The following LRRC1 variants were observed in gnomAD, a reference collection of about 807,000 sequenced individuals.
LRRC1 encodes the protein leucine rich repeat containing 1.
In LRRC1, 28 loss-of-function variants were observed where a neutral mutation model predicts 69.9. That is an observed-to-expected ratio of 0.40 (90% CI 0.30 to 0.55). The LOEUF (loss-of-function observed/expected upper bound fraction) is 0.55, where lower values mean the gene tolerates loss of function less well. Ranked by LOEUF, LRRC1 falls within the 20% of genes least tolerant of loss-of-function variation. The pLI, the probability that LRRC1 is intolerant of heterozygous loss-of-function variation, is 0.47. For synonymous variants in LRRC1, 236 were observed against 240.2 expected, an observed-to-expected ratio of 0.98 and a Z score of 0.16; for missense variants, 498 against 609.0, an observed-to-expected ratio of 0.82 and a Z score of 1.92.
chr6:53,898,876 A>G (rs1313501863), intron 7 of LRRC1, among the ~76,000 whole-genome samples: 1 of 152,238 alleles, frequency 6.6e-6, no homozygotes, highest in Non-Finnish European at 1.5e-5. Context: ...TCATGTAGAC[A>G]TCAGGGAGCC....
rs368671952 is a variant in LRRC1 at position 53,832,286 on chromosome 6, C to T, written c.160-9824C>T. On this transcript the variant is annotated intron_variant, in intron 1 of 13. Transcript: ENST00000370888. ...TCTACCTTGTATTTTAATTATTGATCCACCTCTCCTGTGTCATTTCCTGGA... is the reference window on the plus strand; with the variant it reads ...TCTACCTTGTATTTTAATTATTGATTCACCTCTCCTGTGTCATTTCCTGGA... Among the ~76,000 whole-genome samples the T allele has an allele frequency of 2.0e-5, 3 of 152,114 alleles. No individual in the cohort carries two copies. The South Asian group carries it at 6.2e-4, about 32-fold the overall frequency.
At chr6:53,866,732 A>G (rs1411395332) in intron 2 of LRRC1, among the ~76,000 whole-genome samples, 4 of 152,162 alleles carry the variant, frequency 2.6e-5, no homozygotes, top group Non-Finnish European at 4.4e-5. Context: ...ACTGTTTGTA[A>G]TCCAAAATTG....
intron 4 of LRRC1, among the ~76,000 whole-genome samples, chr6:53,895,877 A>G (rs1767852729): frequency 6.6e-6 from 1 of 152,238 alleles, no homozygotes; most frequent in Admixed American, 6.5e-5. Flanking sequence ...ACCATTTATT[A>G]AATCAGTCCG....
intron 1 of LRRC1, among the ~76,000 whole-genome samples, chr6:53,813,331 G>T (rs191426028): frequency 1.2e-3 from 188 of 152,240 alleles, no homozygotes; most frequent in African/African-American, 3.8e-3. Context: ...TGCTATGCTT[G>T]CTTGCTGGGT....
At chr6:53,918,722 C>A (rs1768645929) in intron 11 of LRRC1, among the ~76,000 whole-genome samples, 1 of 152,206 alleles carries the variant, frequency 6.6e-6, no homozygotes, top group Admixed American at 6.5e-5. Flanking sequence ...TAAATAGATT[C>A]TACTGATTGC....
Position 53,909,588 on chromosome 6 carries a change from T to C in LRRC1, c.991-4266T>C, listed in dbSNP as rs554145214. The stretch of plus-strand genomic sequence containing the variant: ...TTAGTTTTTATTTTTCTAATCAATG[T>C]AAGGTACTTTTTTATAATCAGAAAA... On this transcript the variant is annotated intron_variant, in intron 10 of 13. Transcript: ENST00000370888. 1.2e-4 allele frequency among the ~76,000 whole-genome samples: 18 copies of C among 152,000 alleles called. No individual in the cohort carries two copies. The South Asian group carries it at 3.8e-3, about 32-fold the overall frequency.
chr6:53,899,821 C>T lies in LRRC1; in HGVS notation c.717C>T (p.Ile239=), dbSNP rs1400448458. The T allele has an allele frequency of 3.8e-5, 61 of 1,613,990 alleles. No individual in the cohort carries two copies. The highest frequency in any genetic ancestry group is 5.1e-5 in the Non-Finnish European group (60 of 1,179,984). ...GGTTGGAAAGACTTCCTGAAGAAATCAGTGGCCTGACTTCATTAACGGATT... is the reference window on the plus strand; with the variant it reads ...GGTTGGAAAGACTTCCTGAAGAAATTAGTGGCCTGACTTCATTAACGGATT... ...ENRLERLPEE[I]SGLTSLTDLV... is the part of the protein sequence containing the mutation. The change falls in exon 8 of 14, where the codon ATC becomes ATT. Residue 239 remains isoleucine (I), a synonymous_variant. Coordinates refer to ENST00000370888, the MANE Select transcript of LRRC1 (RefSeq NM_018214.5).
chr6:53,851,901 ATAGT>A (rs1292969144), intron 2 of LRRC1, among the ~76,000 whole-genome samples: 5 of 152,270 alleles, frequency 3.3e-5, no homozygotes, highest in Admixed American at 2.0e-4. Context: ...TGATAAGTTA[ATAGT>A]TAGCATAAAA....
At chr6:53,920,792 G>A in intron 13 of LRRC1, 31 bp downstream of exon 13, 2 of 1,612,982 alleles carry the variant, frequency 1.2e-6, no homozygotes, top group African/African-American at 2.7e-5. Context: ...TGCCTCTGTG[G>A]AAGTTCAAAA....
intron 3 of LRRC1, among the ~76,000 whole-genome samples, chr6:53,879,443 G>T (rs1767189659): frequency 1.3e-5 from 2 of 152,050 alleles, no homozygotes; most frequent in Admixed American, 1.3e-4. Context: ...CCGCCACCAT[G>T]CCTGGCTAAT....
chr6:53,885,371 C>A (rs1767439407), intron 4 of LRRC1, among the ~76,000 whole-genome samples: 1 of 152,196 alleles, frequency 6.6e-6, no homozygotes, highest in Non-Finnish European at 1.5e-5. Flanking sequence ...GCATTTAGCA[C>A]ATTTAGTTAA....
intron 7 of LRRC1, among the ~76,000 whole-genome samples, chr6:53,898,447 A>G (rs1767941604): frequency 2.6e-5 from 4 of 152,210 alleles, no homozygotes; most frequent in Admixed American, 2.6e-4. Context: ...CATAAAGGGG[A>G]AAGGAAAGAG....
At chr6:53,885,672 A>G (rs9349686) in intron 4 of LRRC1, among the ~76,000 whole-genome samples, 84,154 of 151,964 alleles carry the variant, frequency 0.55, 24,925 homozygotes, top group East Asian at 0.9. Flanking sequence ...TGGGAAAGCT[A>G]TGGATGTCTC....
chr6:53,866,073 T>A (rs1251559057), intron 2 of LRRC1, among the ~76,000 whole-genome samples: 2 of 152,188 alleles, frequency 1.3e-5, no homozygotes, highest in East Asian at 3.9e-4. Flanking sequence ...TTCCTCTGGT[T>A]TGAGTGTGTC....
At chr6:53,906,901 A>T (rs1188655719) in intron 10 of LRRC1, among the ~76,000 whole-genome samples, 1 of 152,210 alleles carries the variant, frequency 6.6e-6, no homozygotes, top group Non-Finnish European at 1.5e-5. Flanking sequence ...ACTTACATAC[A>T]CTCAGCTCCC....
intron 4 of LRRC1, among the ~76,000 whole-genome samples, chr6:53,896,240 G>C (rs1000254857): frequency 6.6e-6 from 1 of 152,180 alleles, no homozygotes; most frequent in Non-Finnish European, 1.5e-5. Context: ...CAAGGTATTT[G>C]AATGAAGGTG....
At chr6:53,899,029 A>G (rs889563034) in intron 7 of LRRC1, among the ~76,000 whole-genome samples, 1 of 152,222 alleles carries the variant, frequency 6.6e-6, no homozygotes, top group Non-Finnish European at 1.5e-5. Flanking sequence ...CAGAGCTGAC[A>G]GTCAAGGTAA....
At chr6:53,839,312 A>C (rs943518614) in intron 1 of LRRC1, among the ~76,000 whole-genome samples, 1 of 152,102 alleles carries the variant, frequency 6.6e-6, no homozygotes, top group Non-Finnish European at 1.5e-5. Flanking sequence ...TAAATATACA[A>C]TCTTTTTTAC....
rs74490227 is a variant in LRRC1 at position 53,819,120 on chromosome 6, G to A, written c.160-22990G>A. On this transcript the variant is annotated intron_variant, in intron 1 of 13. Coordinates refer to ENST00000370888, the MANE Select transcript of LRRC1 (RefSeq NM_018214.5). ...TCGGAAACTATAAATGCCAAGAGCT[G>A]TGGAAGAGAGAGAGGCAATTAAGGG... 7.4e-3 allele frequency among the ~76,000 whole-genome samples: 1,126 copies of A among 152,300 alleles called. 11 individuals are homozygous for A. Among genetic ancestry groups the A allele is most frequent in the African/African-American group, 0.024 (1,016 of 41,556 alleles).
Sources: allele counts gnomAD v4.1 joint callset (sites outside exome capture counted in the v4.1 genomes callset), GRCh38; gene constraint gnomAD v4.1.1; transcripts MANE v1.5; gene names NCBI Gene and HGNC (gene_info 2026-07-23, HGNC 2026-07-21).